Variants in TMTC2 observed in about 807,000 individuals in gnomAD.
The protein encoded by TMTC2 is protein O-mannosyl-transferase TMTC2.
TMTC2 carries 43 observed loss-of-function variants against 82.4 expected under a neutral mutation model. That is an observed-to-expected ratio of 0.52 (90% CI 0.41 to 0.67). TMTC2 has a LOEUF of 0.67. Ranked by LOEUF, TMTC2 falls within the 30% of genes least tolerant of loss-of-function variation. TMTC2 has a pLI of 0.00. For synonymous variants in TMTC2, 408 were observed against 381.9 expected, an observed-to-expected ratio of 1.07 and a Z score of -0.80; for missense variants, 919 against 1,012.4, an observed-to-expected ratio of 0.91 and a Z score of 1.25.
chr12:82,949,850 A>G (rs1343272101), intron 4 of TMTC2, among the ~76,000 whole-genome samples: 1 of 152,176 alleles, frequency 6.6e-6, no homozygotes, highest in Non-Finnish European at 1.5e-5. Flanking sequence ...AGTCCAAAGC[A>G]CAAGAGTAAC....
intron 2 of TMTC2, among the ~76,000 whole-genome samples, chr12:82,883,282 GTAATTA>G (rs370007724): frequency 6.6e-6 from 1 of 152,142 alleles, no homozygotes; most frequent in East Asian, 1.9e-4. Flanking sequence ...AAGACATAGC[GTAATTA>G]TAGAGTTGGA....
intron 10 of TMTC2, among the ~76,000 whole-genome samples, chr12:83,053,901 G>A (rs1882442120): frequency 1.3e-5 from 2 of 152,204 alleles, no homozygotes; most frequent in South Asian, 4.1e-4. Context: ...AACACTCTGA[G>A]GTGGAAGTAG....
In TMTC2 at chr12:82,749,739, CTTTTT is replaced by C. The variant is rs71068950; in HGVS notation, c.83+62082_83+62086del. On this transcript the variant is annotated intron_variant, in intron 1 of 11. Transcript: ENST00000321196. ...TTTGTTTTTCTTTCTTTCTTTCTTT[CTTTTT>C]TTTTTTTTTTTGAGGCGGAGTCTCG... Among the ~76,000 whole-genome samples the C allele has an allele frequency of 2.6e-3, 335 of 127,134 alleles. 3 individuals are homozygous for C. Among genetic ancestry groups the C allele is most frequent in the African/African-American group, 9.6e-3 (309 of 32,280 alleles). The allele number at this position is 127,134 out of a possible 152,430, so 83.4% of individuals were successfully genotyped here.
intron 11 of TMTC2, among the ~76,000 whole-genome samples, chr12:83,126,493 T>C (rs1885102399): frequency 6.6e-6 from 1 of 152,182 alleles, no homozygotes; most frequent in South Asian, 2.1e-4. Context: ...CATCAATCTG[T>C]ACTGCTACCT....
At chr12:82,716,516 A>C (rs939249949) in intron 1 of TMTC2, among the ~76,000 whole-genome samples, 29 of 152,006 alleles carry the variant, frequency 1.9e-4, no homozygotes, top group Middle Eastern at 3.2e-3. Context: ...GGCGCGCGCC[A>C]CCATGCCCGG....
intron 2 of TMTC2, among the ~76,000 whole-genome samples, chr12:82,876,310 T>C (rs1224092793): frequency 2.0e-5 from 3 of 152,124 alleles, no homozygotes; most frequent in Non-Finnish European, 4.4e-5. Context: ...AGATATGAAG[T>C]GATTGACTTT....
At chr12:83,007,488 T>G (rs746954383) in intron 8 of TMTC2, among the ~76,000 whole-genome samples, 1 of 152,184 alleles carries the variant, frequency 6.6e-6, no homozygotes, top group African/African-American at 2.4e-5. Flanking sequence ...TGATGGACAC[T>G]TTATACTAAG....
At chr12:82,917,565 C>A (rs1374488613) in intron 3 of TMTC2, among the ~76,000 whole-genome samples, 1 of 152,012 alleles carries the variant, frequency 6.6e-6, no homozygotes, top group African/African-American at 2.4e-5. Flanking sequence ...TATGCATACA[C>A]AAGTCTAGCT....
chr12:82,774,797 C>T (rs1592511308), intron 1 of TMTC2, among the ~76,000 whole-genome samples: 1 of 151,854 alleles, frequency 6.6e-6, no homozygotes, highest in Admixed American at 6.6e-5. Context: ...TCTCTAAGGG[C>T]AAGACCTGAA....
intron 9 of TMTC2, among the ~76,000 whole-genome samples, chr12:83,040,081 T>G (rs1013065487): frequency 6.6e-6 from 1 of 152,230 alleles, no homozygotes; most frequent in Non-Finnish European, 1.5e-5. Context: ...TTCTGCATAT[T>G]TTTGTCAGTT....
At chr12:83,040,966 G>A (rs1881873056) in intron 9 of TMTC2, among the ~76,000 whole-genome samples, 1 of 152,076 alleles carries the variant, frequency 6.6e-6, no homozygotes, top group African/African-American at 2.4e-5. Context: ...TTACAGGCAT[G>A]AGCCACCGCA....
At chr12:82,873,029 C>T (rs1172575618) in intron 2 of TMTC2, among the ~76,000 whole-genome samples, 1 of 152,062 alleles carries the variant, frequency 6.6e-6, no homozygotes, top group African/African-American at 2.4e-5. Flanking sequence ...CAGTTCAGGT[C>T]AGGCTTTTAG....
At chr12:82,883,055 CAAAAAAAAAAA>C (rs66496024) in intron 2 of TMTC2, among the ~76,000 whole-genome samples, 3 of 68,352 alleles carry the variant, frequency 4.4e-5, no homozygotes, top group African/African-American at 9.7e-5. Context: ...AACTTGGTCT[CAAAAAAAAAAA>C]AAAAAAAAAA....
At chr12:83,032,450 A>G (rs1881478373) in intron 9 of TMTC2, among the ~76,000 whole-genome samples, 2 of 151,612 alleles carry the variant, frequency 1.3e-5, no homozygotes, top group Non-Finnish European at 2.9e-5. Context: ...ACATTACATC[A>G]TACTCCTAAA....
chr12:82,913,340 G>T (rs538652480), intron 3 of TMTC2, among the ~76,000 whole-genome samples: 1 of 152,192 alleles, frequency 6.6e-6, no homozygotes, highest in East Asian at 1.9e-4. Flanking sequence ...CTTTGGTTTT[G>T]GCTTTTGCTG....
intron 1 of TMTC2, among the ~76,000 whole-genome samples, chr12:82,769,401 G>T (rs189145651): frequency 8.6e-5 from 13 of 151,910 alleles, no homozygotes; most frequent in African/African-American, 3.1e-4. Flanking sequence ...GTTTGAGCCT[G>T]GGAGGCAGAG....
chr12:82,695,758 A>G (rs1872758404), intron 1 of TMTC2, among the ~76,000 whole-genome samples: 3 of 152,142 alleles, frequency 2.0e-5, no homozygotes, highest in African/African-American at 7.2e-5. Flanking sequence ...GGCTATAGAG[A>G]TTACATTCAT....
intron 11 of TMTC2, among the ~76,000 whole-genome samples, chr12:83,062,486 A>G (rs755425162): frequency 3.3e-5 from 5 of 151,800 alleles, no homozygotes; most frequent in Non-Finnish European, 7.4e-5. Context: ...TTATTTTCAT[A>G]TACCTTCTGC....
At chr12:82,918,900 GGTGC>G (rs1875198641) in intron 3 of TMTC2, among the ~76,000 whole-genome samples, 1 of 152,022 alleles carries the variant, frequency 6.6e-6, no homozygotes, top group Admixed American at 6.6e-5. Context: ...TGGGACTACA[GGTGC>G]CTGCCACCAC....
Sources: allele counts gnomAD v4.1 joint callset (sites outside exome capture counted in the v4.1 genomes callset), GRCh38; gene constraint gnomAD v4.1.1; transcripts MANE v1.5; gene names NCBI Gene and HGNC (gene_info 2026-07-23, HGNC 2026-07-21).